Variants in STK10 observed in about 807,000 individuals in gnomAD.
The protein encoded by STK10 is serine/threonine kinase 10, also known as serine/threonine-protein kinase 10.
STK10 carries 78 observed loss-of-function variants against 113.8 expected under a neutral mutation model. The observed-to-expected ratio is 0.69, with a 90% CI of 0.57 to 0.83. The LOEUF (loss-of-function observed/expected upper bound fraction) is 0.83, where lower values mean the gene tolerates loss of function less well. Among genes scored for constraint, STK10 ranks in the 40% least tolerant of loss-of-function variants. The probability of loss-of-function intolerance (pLI) is 0.00; values close to 1 mark genes in which losing one functional copy is unlikely to be tolerated. For missense variants in STK10, 1,109 were observed against 1,280.1 expected (o/e 0.87, Z 2.04); for synonymous variants, 465 against 494.7 (o/e 0.94, Z 0.80).
At chr5:172,081,221 C>T (rs147041004) in intron 12 of STK10, among the ~76,000 whole-genome samples, 6,587 of 151,744 alleles carry the variant, frequency 0.043, 499 homozygotes, top group African/African-American at 0.15. Context: ...CGTGGTGGTG[C>T]GTGCCTGTAG....
chr5:172,063,184 A>G (rs1309630252), intron 13 of STK10, among the ~76,000 whole-genome samples: 1 of 151,784 alleles, frequency 6.6e-6, no homozygotes, highest in African/African-American at 2.4e-5. Flanking sequence ...CAGGAGGCAG[A>G]GGTTGCAGTG....
At chr5:172,125,611 G>A (rs4867665) in intron 3 of STK10, among the ~76,000 whole-genome samples, 94,884 of 152,028 alleles carry the variant, frequency 0.62, 31,555 homozygotes, top group East Asian at 0.85. Flanking sequence ...TTTCAAACTC[G>A]TGGCCTCAGG....
At chr5:172,055,799 G>T in intron 15 of STK10, 23 bp from the exon 16 acceptor site, 1 of 1,436,812 alleles carries the variant, frequency 7.0e-7, no homozygotes, top group Non-Finnish European at 9.2e-7. Context: ...ATCCAGAGGG[G>T]CTGAGGGCAG....
At chr5:172,101,100 T>C (rs958972887) in intron 7 of STK10, among the ~76,000 whole-genome samples, 14 of 152,316 alleles carry the variant, frequency 9.2e-5, no homozygotes, top group African/African-American at 3.1e-4. Flanking sequence ...GAGGATTAAA[T>C]TAGGTGACAT....
At chr5:172,065,946 G>A (rs1768060954) in intron 12 of STK10, among the ~76,000 whole-genome samples, 1 of 152,182 alleles carries the variant, frequency 6.6e-6, no homozygotes, top group Non-Finnish European at 1.5e-5. Context: ...CTGGGATTGG[G>A]TTTCTGTCTT....
intron 15 of STK10, among the ~76,000 whole-genome samples, chr5:172,056,860 C>T (rs544089374): frequency 6.4e-5 from 9 of 140,400 alleles, no homozygotes; most frequent in South Asian, 2.3e-4. Context: ...AGTGAGAGAG[C>T]GACTCCATCT....
chr5:172,078,781 G>GCA (rs1561797990), intron 12 of STK10, among the ~76,000 whole-genome samples: 1 of 137,946 alleles, frequency 7.2e-6, no homozygotes, highest in Non-Finnish European at 1.6e-5. Flanking sequence ...GCTCTGCCTC[G>GCA]TTCAGAGGCA....
At chr5:172,090,772 T>C (rs1386851360) in intron 9 of STK10, among the ~76,000 whole-genome samples, 2 of 151,314 alleles carry the variant, frequency 1.3e-5, no homozygotes, top group African/African-American at 4.9e-5. Context: ...CTGTCTCTAC[T>C]AAAAATACAA....
chr5:172,128,312 A>G (rs1420534885), intron 2 of STK10, among the ~76,000 whole-genome samples: 4 of 147,542 alleles, frequency 2.7e-5, no homozygotes, highest in East Asian at 2.0e-4. Flanking sequence ...GGCTCTTTGC[A>G]TAGATGCTTT....
rs747525370 is a variant in STK10 at position 172,044,981 on chromosome 5, C to T, written c.2808G>A (p.Glu936=). The T allele has an allele frequency of 1.5e-5, 24 of 1,614,216 alleles. No individual in the cohort carries two copies. In the South Asian group the frequency reaches 2.4e-4, roughly 16 times the overall value. Residue 936 remains glutamate (E), a synonymous_variant, in exon 19 of 19, where the codon GAG becomes GAA. Coordinates refer to ENST00000176763, the MANE Select transcript of STK10 (RefSeq NM_005990.4). The surrounding 1 kb of genome is among the most constrained non-coding windows in gnomAD (Gnocchi z 4.5). ...EDLNQKKREQ[E]MFFKLSEEAE... ...CCTCCTCGCTCAGCTTGAAGAACATCTCCTGCTCCCGCTTCTTCTGGTTCA... is the reference window on the plus strand; with the variant it reads ...CCTCCTCGCTCAGCTTGAAGAACATTTCCTGCTCCCGCTTCTTCTGGTTCA...
intron 18 of STK10, among the ~76,000 whole-genome samples, chr5:172,051,387 G>GGCCGA (rs1767624175): frequency 6.6e-6 from 1 of 151,764 alleles, no homozygotes. Flanking sequence ...CACTTTGGGA[G>GGCCGA]GCCGAGGGGG....
chr5:172,148,900 C>G (rs1770145944), intron 2 of STK10, among the ~76,000 whole-genome samples: 1 of 152,210 alleles, frequency 6.6e-6, no homozygotes, highest in Non-Finnish European at 1.5e-5. Flanking sequence ...ACATCTCAAT[C>G]TCGAGCCAGG....
chr5:172,177,592 G>A (rs1313572377), intron 1 of STK10, among the ~76,000 whole-genome samples: 1 of 152,220 alleles, frequency 6.6e-6, no homozygotes, highest in African/African-American at 2.4e-5. Flanking sequence ...TGTGCCATAA[G>A]TGCAACACCC....
At chr5:172,182,683 A>G (rs1770880980) in intron 1 of STK10, among the ~76,000 whole-genome samples, 1 of 151,162 alleles carries the variant, frequency 6.6e-6, no homozygotes, top group Admixed American at 6.6e-5. Context: ...CCTCCAGAGC[A>G]GCTGGGATTA....
rs796623891 is a variant in STK10, at chr5:172,137,867, G to A, written c.322-10446C>T. 1.2e-3 allele frequency among the ~76,000 whole-genome samples: 171 copies of A among 146,638 alleles called. 1 individual carries two copies. The highest frequency in any genetic ancestry group is 4.3e-3 in the African/African-American group (170 of 39,102). ...AGATCACACCACAGTACTCCAGCCT[G>A]GACGACAGAGCGAGACTCTGTCTCA... On this transcript the variant is annotated intron_variant, in intron 2 of 18. Coordinates refer to ENST00000176763, the MANE Select transcript of STK10 (RefSeq NM_005990.4).
chr5:172,084,718 CT>C (rs1463193515), intron 10 of STK10, among the ~76,000 whole-genome samples: 2 of 151,224 alleles, frequency 1.3e-5, no homozygotes, highest in Non-Finnish European at 2.9e-5. Context: ...GTAGAGTATC[CT>C]TTACTGAAAA....
intron 2 of STK10, among the ~76,000 whole-genome samples, chr5:172,131,134 C>T (rs539971467): frequency 6.7e-6 from 1 of 149,892 alleles, no homozygotes; most frequent in Non-Finnish European, 1.5e-5. Flanking sequence ...CCCAGGTTCA[C>T]GCCATTCTCC....
intron 4 of STK10, among the ~76,000 whole-genome samples, chr5:172,116,605 C>A (rs1431703649): frequency 2.6e-5 from 4 of 152,034 alleles, no homozygotes; most frequent in African/African-American, 7.2e-5. Flanking sequence ...GGGTGGTTCA[C>A]ACCTGTAATC....
At chr5:172,134,187 G>A (rs2113794426) in intron 2 of STK10, among the ~76,000 whole-genome samples, 1 of 152,302 alleles carries the variant, frequency 6.6e-6, no homozygotes, top group Middle Eastern at 3.4e-3. Flanking sequence ...GAAACTTGGG[G>A]GCAAACTGGC....
Sources: gnomAD v4.1 joint callset for allele counts (sites outside exome capture counted in the v4.1 genomes callset) on GRCh38, gnomAD v4.1.1 for gene constraint, Gnocchi (gnomAD v3.1) non-coding constraint, MANE v1.5 for transcripts, NCBI Gene and HGNC (gene_info 2026-07-23, HGNC 2026-07-21) for gene names.